The following CFAP61 variants were observed in gnomAD, a reference collection of about 807,000 sequenced individuals.
CFAP61 encodes cilia- and flagella-associated protein 61.
A neutral mutation model predicts 135.6 loss-of-function variants in CFAP61; 107 were observed. That is an observed-to-expected ratio of 0.79 (90% CI 0.67 to 0.93). CFAP61 has a LOEUF of 0.93. Ranked by LOEUF, CFAP61 falls within the 40% of genes least tolerant of loss-of-function variation. CFAP61 has a pLI of 0.00. For synonymous variants in CFAP61, 575 were observed against 578.5 expected (o/e 0.99, Z 0.09); for missense variants, 1,507 against 1,556.2 (o/e 0.97, Z 0.53).
intron 17 of CFAP61, among the ~76,000 whole-genome samples, chr20:20,216,639 T>C (rs2146927760): frequency 6.6e-6 from 1 of 152,354 alleles, no homozygotes; most frequent in East Asian, 1.9e-4. Context: ...TTGGGGGTTT[T>C]ATTTTTATTT....
At chr20:20,120,712 A>G (rs527580385) in intron 8 of CFAP61, among the ~76,000 whole-genome samples, 11 of 152,290 alleles carry the variant, frequency 7.2e-5, no homozygotes, top group African/African-American at 2.4e-4. Flanking sequence ...TAATCTGTCT[A>G]CTACTGAGAG....
At chr20:20,227,193 A>C (rs1343113046) in intron 17 of CFAP61, among the ~76,000 whole-genome samples, 1 of 152,150 alleles carries the variant, frequency 6.6e-6, no homozygotes, top group Non-Finnish European at 1.5e-5. Flanking sequence ...CAGACTTCCA[A>C]CTCCTGGTAT....
At chr20:20,310,297 T>G (rs902071773) in intron 25 of CFAP61, among the ~76,000 whole-genome samples, 1 of 152,192 alleles carries the variant, frequency 6.6e-6, no homozygotes, top group Admixed American at 6.5e-5. Context: ...ATTAGTTAAC[T>G]TTGGAACCTA....
intron 10 of CFAP61, among the ~76,000 whole-genome samples, chr20:20,163,243 A>G (rs2053545901): frequency 1.3e-5 from 2 of 152,198 alleles, no homozygotes; most frequent in Admixed American, 1.3e-4. Flanking sequence ...AAAGGGAATC[A>G]TCTTCTGAGT....
At chr20:20,059,352 A>AAT (rs2044626971) in intron 2 of CFAP61, among the ~76,000 whole-genome samples, 2 of 144,414 alleles carry the variant, frequency 1.4e-5, no homozygotes, top group Non-Finnish European at 3.0e-5. Context: ...AAAAAAAAAA[A>AAT]GGATTAAAGA....
chr20:20,078,866 C>T (rs187742468), intron 6 of CFAP61, among the ~76,000 whole-genome samples: 1 of 152,002 alleles, frequency 6.6e-6, no homozygotes, highest in Non-Finnish European at 1.5e-5. Flanking sequence ...CCAAACTGAC[C>T]AAGAAAAAAG....
intron 12 of CFAP61, among the ~76,000 whole-genome samples, chr20:20,167,159 A>T (rs935034438): frequency 2.6e-5 from 4 of 152,238 alleles, no homozygotes; most frequent in Non-Finnish European, 5.9e-5. Flanking sequence ...TGATTTCAAG[A>T]AAAGTATCTA....
intron 25 of CFAP61, among the ~76,000 whole-genome samples, chr20:20,339,943 G>A (rs1226771041): frequency 1.3e-5 from 2 of 152,214 alleles, no homozygotes; most frequent in Non-Finnish European, 2.9e-5. Flanking sequence ...GCTGCTGTAG[G>A]ATGATTTTAG....
At chr20:20,353,342 G>T (rs2058919391) in intron 26 of CFAP61, among the ~76,000 whole-genome samples, 1 of 152,158 alleles carries the variant, frequency 6.6e-6, no homozygotes, top group Admixed American at 6.5e-5. Flanking sequence ...GCGTGAGTGT[G>T]GGTGCAGGTG....
At chr20:20,216,522 G>C (rs1376515979) in intron 17 of CFAP61, among the ~76,000 whole-genome samples, 1 of 152,230 alleles carries the variant, frequency 6.6e-6, no homozygotes. Flanking sequence ...CATCACATAG[G>C]TGTCACTCTC....
chr20:20,120,593 A>C (rs1313066749), intron 8 of CFAP61, among the ~76,000 whole-genome samples: 1 of 152,198 alleles, frequency 6.6e-6, no homozygotes, highest in Non-Finnish European at 1.5e-5. Flanking sequence ...GTTGAAAACA[A>C]TGTGTATTCT....
chr20:20,314,354 C>A (rs972073522), intron 25 of CFAP61, among the ~76,000 whole-genome samples: 2 of 147,076 alleles, frequency 1.4e-5, no homozygotes, highest in Non-Finnish European at 3.0e-5. Flanking sequence ...TGCACCACTG[C>A]ACTCCCCAGC....
At chr20:20,277,602 C>T (rs2053870985) in intron 22 of CFAP61, 144 bp downstream of exon 22, 3 of 817,934 alleles carry the variant, frequency 3.7e-6, no homozygotes, top group Non-Finnish European at 5.7e-6. Flanking sequence ...TTACCTCTTG[C>T]TGGGTAACAA....
chr20:20,355,048 T>G (rs2059021902), intron 26 of CFAP61, among the ~76,000 whole-genome samples: 1 of 124,006 alleles, frequency 8.1e-6, no homozygotes. Flanking sequence ...GGGGAGGTGG[T>G]CACACTGTGA....
chr20:20,080,237 A>G (rs557837713), intron 6 of CFAP61, among the ~76,000 whole-genome samples: 3 of 152,264 alleles, frequency 2.0e-5, no homozygotes, highest in African/African-American at 4.8e-5. Flanking sequence ...CTCTCTCTAC[A>G]TATATACCTA....
At position 20,074,388 on chromosome 20, in the gene CFAP61, T is replaced by C; in HGVS notation, c.371+10T>C. The C allele has an allele frequency of 6.2e-7, 1 of 1,611,656 alleles. No homozygotes were observed. Among genetic ancestry groups the C allele is most frequent in the Non-Finnish European group, 8.5e-7 (1 of 1,177,674 alleles). The stretch of plus-strand genomic sequence containing the variant: ...GCAAAGAGATTCTTCGGTGAGTGGA[T>C]ATGGCCGTGCAGTGGTGAACATGAA... On this transcript the variant is annotated intron_variant, in intron 4 of 26. Transcript: ENST00000245957.
chr20:20,238,206 T>C (rs1357420543), intron 18 of CFAP61, among the ~76,000 whole-genome samples: 1 of 152,166 alleles, frequency 6.6e-6, no homozygotes, highest in African/African-American at 2.4e-5. Flanking sequence ...TGTGGATTTG[T>C]TTTGCCTCTG....
chr20:20,327,252 T>G lies in CFAP61; in HGVS notation c.3423-14579T>G, dbSNP rs140420301. On this transcript the variant is annotated intron_variant, in intron 25 of 26. Coordinates refer to ENST00000245957, the MANE Select transcript of CFAP61 (RefSeq NM_015585.4). ...ACTTCTACTTTCTATTTATTTTTCT[T>G]ATTTTATTGAATTGCCTGGAATTAC... Among the ~76,000 whole-genome samples the G allele has an allele frequency of 1.2e-3, 184 of 152,332 alleles. 1 individual carries two copies. The highest frequency in any genetic ancestry group is 4.1e-3 in the African/African-American group (172 of 41,574).
chr20:20,256,843 A>G (rs925667850), intron 20 of CFAP61, among the ~76,000 whole-genome samples: 8 of 152,094 alleles, frequency 5.3e-5, no homozygotes, highest in Non-Finnish European at 1.2e-4. Flanking sequence ...TCAAAGAAAA[A>G]TTTTCTCAGT....
Sources: gnomAD v4.1 joint callset for allele counts (sites outside exome capture counted in the v4.1 genomes callset) on GRCh38, gnomAD v4.1.1 for gene constraint, MANE v1.5 for transcripts, NCBI Gene and HGNC (gene_info 2026-07-23, HGNC 2026-07-21) for gene names.